Variants in NCALD observed in about 807,000 individuals in gnomAD.
The protein encoded by NCALD is neurocalcin-delta.
Under a neutral mutation model 18.6 loss-of-function variants are expected in NCALD, and 10 were observed. The observed-to-expected ratio is 0.54, with a 90% CI of 0.33 to 0.91. The LOEUF is 0.91. Among genes scored for constraint, NCALD ranks in the 40% least tolerant of loss-of-function variants. The pLI is 0.03. For synonymous variants in NCALD, 88 were observed against 87.4 expected (o/e 1.01, Z -0.04); for missense variants, 184 against 247.6 (o/e 0.74, Z 1.72).
chr8:101,893,365 G>A lies in NCALD; in HGVS notation c.-106-6138C>T, dbSNP rs544624144. Among the ~76,000 whole-genome samples, 1,016 of 150,524 alleles carry A rather than the reference G, an allele frequency of 6.7e-3. 4 individuals carry two copies. Among genetic ancestry groups the A allele is most frequent in the Non-Finnish European group, 0.011 (747 of 67,832 alleles). ...ACCTAAAAGAGCTCCTGAAGGAAGC[G>A]CTAAACATGGAAAGGAACAACCAGT... On this transcript the variant is annotated intron_variant, in intron 3 of 6. Coordinates refer to the NCALD transcript ENST00000311028.
chr8:101,843,582 G>GGTTTTTTTTT (rs1814735679), intron 4 of NCALD, among the ~76,000 whole-genome samples: 1 of 125,140 alleles, frequency 8.0e-6, no homozygotes, highest in Non-Finnish European at 1.6e-5. Context: ...TTTAAAAATT[G>GGTTTTTTTTT]TTTTTTTTTT....
intron 4 of NCALD, among the ~76,000 whole-genome samples, chr8:101,850,636 T>C (rs368985774): frequency 5.3e-5 from 8 of 152,306 alleles, no homozygotes; most frequent in African/African-American, 1.9e-4. Context: ...GTAGAAGATA[T>C]AGAACATTTT....
chr8:102,080,239 G>A (rs922291464), intron 1 of NCALD, among the ~76,000 whole-genome samples: 2 of 152,124 alleles, frequency 1.3e-5, no homozygotes, highest in Non-Finnish European at 1.5e-5. Context: ...CCATTATTCC[G>A]TACAACCCCA....
chr8:101,746,460 A>G (rs1810428627), intron 1 of NCALD, among the ~76,000 whole-genome samples: 1 of 152,176 alleles, frequency 6.6e-6, no homozygotes. Context: ...ACATATATAT[A>G]TATATGTTAG....
chr8:101,757,031 A>C (rs1282482365), intron 1 of NCALD, among the ~76,000 whole-genome samples: 2 of 152,184 alleles, frequency 1.3e-5, no homozygotes, highest in African/African-American at 4.8e-5. Context: ...ATTATTCTTT[A>C]GGAACAACAT....
At chr8:102,012,730 C>A (rs749218591) in intron 2 of NCALD, among the ~76,000 whole-genome samples, 1 of 152,144 alleles carries the variant, frequency 6.6e-6, no homozygotes, top group Admixed American at 6.5e-5. Flanking sequence ...CCCTGAGTCA[C>A]CCTTCCTCTT....
chr8:101,793,349 CAAAA>C (rs945645876), upstream of NCALD, among the ~76,000 whole-genome samples: 1 of 75,690 alleles, frequency 1.3e-5, no homozygotes. Flanking sequence ...GACTCCGTCT[CAAAA>C]AAAAAAAAAA....
intron 4 of NCALD, among the ~76,000 whole-genome samples, chr8:101,853,068 ATCAC>A (rs1261821261): frequency 6.6e-6 from 1 of 152,202 alleles, no homozygotes; most frequent in Non-Finnish European, 1.5e-5. Context: ...CCCTGGTCCC[ATCAC>A]TCACTACCTT....
intron 2 of NCALD, among the ~76,000 whole-genome samples, chr8:101,971,841 C>A (rs1032342444): frequency 2.0e-5 from 3 of 152,194 alleles, no homozygotes; most frequent in African/African-American, 7.2e-5. Flanking sequence ...ATTTACCTGG[C>A]TGCCCACCTA....
chr8:101,766,250 A>G (rs1811341861), intron 1 of NCALD, among the ~76,000 whole-genome samples: 2 of 152,218 alleles, frequency 1.3e-5, no homozygotes, highest in Admixed American at 1.3e-4. Context: ...AAGAAGCAGT[A>G]AATTCCATTT....
chr8:101,739,570 A>C (rs1810095933), intron 1 of NCALD, among the ~76,000 whole-genome samples: 1 of 152,122 alleles, frequency 6.6e-6, no homozygotes, highest in Non-Finnish European at 1.5e-5. Context: ...GGCTAGAATA[A>C]AGCAGGCAGA....
chr8:101,934,191 T>C (rs1243395480), intron 2 of NCALD, among the ~76,000 whole-genome samples: 1 of 152,146 alleles, frequency 6.6e-6, no homozygotes, highest in East Asian at 1.9e-4. Context: ...CTGCAGATAA[T>C]TTTTATTACC....
chr8:101,939,440 G>A (rs1023253196), intron 2 of NCALD, among the ~76,000 whole-genome samples: 2 of 152,288 alleles, frequency 1.3e-5, no homozygotes, highest in East Asian at 3.9e-4. Context: ...TACTAAGTAG[G>A]TTGTCTCCCC....
At chr8:101,754,356 G>A (rs1455890307) in intron 1 of NCALD, among the ~76,000 whole-genome samples, 1 of 152,124 alleles carries the variant, frequency 6.6e-6, no homozygotes, top group Non-Finnish European at 1.5e-5. Context: ...TATTGGTGCT[G>A]CTATAACAAG....
intron 1 of NCALD, among the ~76,000 whole-genome samples, chr8:101,761,049 G>A (rs947870079): frequency 1.3e-5 from 2 of 151,568 alleles, no homozygotes; most frequent in Non-Finnish European, 2.9e-5. Context: ...ATGCTTTACT[G>A]CTGCTCTATT....
At chr8:101,776,339 C>T (rs1811789361) in intron 1 of NCALD, among the ~76,000 whole-genome samples, 1 of 152,174 alleles carries the variant, frequency 6.6e-6, no homozygotes, top group African/African-American at 2.4e-5. Context: ...CATTCTTTCA[C>T]TCACTGACAA....
chr8:101,756,596 G>A (rs541010314), intron 1 of NCALD, among the ~76,000 whole-genome samples: 27 of 152,306 alleles, frequency 1.8e-4, no homozygotes, highest in Admixed American at 3.3e-4. Flanking sequence ...ACAATTAAGA[G>A]GAGGAAAAAG....
intron 4 of NCALD, among the ~76,000 whole-genome samples, chr8:101,800,917 G>A (rs1200357851): frequency 1.3e-5 from 1 of 74,598 alleles, no homozygotes; most frequent in African/African-American, 5.3e-5. Context: ...AAAAGGGGAG[G>A]GGGGAGAGAA....
intron 1 of NCALD, among the ~76,000 whole-genome samples, chr8:101,764,011 CA>C (rs1811237182): frequency 8.6e-5 from 3 of 34,934 alleles, no homozygotes; most frequent in African/African-American, 2.0e-4. Context: ...CACACACACA[CA>C]CACCCCCTAT....
Sources: allele counts gnomAD v4.1 joint callset (sites outside exome capture counted in the v4.1 genomes callset), GRCh38; gene constraint gnomAD v4.1.1; transcripts MANE v1.5; gene names NCBI Gene and HGNC (gene_info 2026-07-23, HGNC 2026-07-21).